ADGRG6: variants seen among roughly 807,000 people sequenced by gnomAD.
ADGRG6 encodes the protein G-protein coupled receptor 126.
Under a neutral mutation model 142.4 loss-of-function variants are expected in ADGRG6, and 84 were observed. That is an observed-to-expected ratio of 0.59 (90% CI 0.49 to 0.71). The LOEUF (loss-of-function observed/expected upper bound fraction) is 0.71. ADGRG6 is among the 30% of genes least tolerant of loss of function. The pLI is 0.00. For missense variants in ADGRG6, 1,367 were observed against 1,466.6 expected (o/e 0.93, Z 1.11); for synonymous variants, 521 against 520.5 (o/e 1.00, Z -0.01).
Position 142,437,454 on chromosome 6 carries a change from C to T in ADGRG6, c.3340C>T (p.His1114Tyr). Residue 1114 changes from histidine (H) to tyrosine (Y), a missense_variant, in exon 23 of 25, where the codon CAC (histidine) becomes TAC (tyrosine). Transcript: ENST00000367609. ...CACAGGCTTATTTATATTCATCTTC[C>T]ACTGTGCTATGAAGGAGAATGTTCA... ...SLQGLFIFIF[H>Y]CAMKENVQKQ... 1 of 1,543,714 alleles carries T rather than the reference C, an allele frequency of 6.5e-7. No homozygotes were observed. The highest frequency in any genetic ancestry group is 8.9e-7 in the Non-Finnish European group (1 of 1,117,756).
In ADGRG6 at chr6:142,302,151, T is replaced by C; in HGVS notation, c.-179T>C. 1 of 632,916 alleles carries C rather than the reference T, an allele frequency of 1.6e-6. No homozygotes were observed. The highest frequency in any genetic ancestry group is 1.9e-5 in the African/African-American group (1 of 53,462). 39.2% of individuals were successfully genotyped at this position (632,916 alleles called of 1,614,324 possible). A position where few individuals can be genotyped will look rare whatever the true frequency, so the allele number is the denominator to read the frequency against. ...GCGCTGAACGCTGCCGCGCCCAGGG[T>C]TCACCTTGCGCCGTCGGGAAAGCCC... On this transcript the variant is annotated 5_prime_UTR_variant, in exon 1 of 25. Transcript: ENST00000367609.
At chr6:142,376,596 A>C (rs1224876657) in intron 4 of ADGRG6, among the ~76,000 whole-genome samples, 1 of 152,134 alleles carries the variant, frequency 6.6e-6, no homozygotes, top group Non-Finnish European at 1.5e-5. Flanking sequence ...ACTTCAATTC[A>C]TTATTGGCTC....
At chr6:142,435,470 A>G (rs181075392) in intron 22 of ADGRG6, among the ~76,000 whole-genome samples, 3 of 151,786 alleles carry the variant, frequency 2.0e-5, no homozygotes, top group East Asian at 3.9e-4. Flanking sequence ...TTTCATTCCT[A>G]TTACCTCTTA....
intron 22 of ADGRG6, 50 bp downstream of exon 22, chr6:142,420,154 T>C (rs1776592469): frequency 6.9e-7 from 1 of 1,450,388 alleles, no homozygotes; most frequent in East Asian, 2.3e-5. Context: ...TTTGTCATAT[T>C]TGCAAGCAGC....
intron 4 of ADGRG6, 44 bp from the exon 5 acceptor site, chr6:142,381,907 T>C (rs368299953): frequency 1.4e-5 from 17 of 1,226,892 alleles, no homozygotes; most frequent in Non-Finnish European, 1.9e-5. Flanking sequence ...ATAATATCAC[T>C]AAATCATAAA....
chr6:142,411,406 C>G lies in ADGRG6; in HGVS notation c.2536C>G (p.Leu846Val). 2.0e-6 allele frequency: 3 copies of G among 1,531,518 alleles called. No homozygotes were observed. The highest frequency in any genetic ancestry group is 2.7e-6 in the Non-Finnish European group (3 of 1,104,982). The allele number at this position is 1,531,518 out of a possible 1,614,324, so 94.9% of individuals were successfully genotyped here. A position where few individuals can be genotyped will look rare whatever the true frequency, so the allele number is the denominator to read the frequency against. The change falls in exon 18 of 25, where the codon CTG (leucine) becomes GTG (valine). Residue 846 changes from leucine to valine, a missense_variant. Coordinates refer to ENST00000367609, the MANE Select transcript of ADGRG6 (RefSeq NM_198569.3). The part of the protein sequence containing the change: ...LCNHFTHFGV[L>V]MDLPRSASQL... ...TAACCACTTCACACACTTTGGAGTT[C>G]TGATGGTAAGGGGGGAATTTCTAAG...
intron 4 of ADGRG6, among the ~76,000 whole-genome samples, chr6:142,371,483 TG>T (rs375028006): frequency 0.13 from 17,789 of 137,184 alleles, 1,235 homozygotes; most frequent in African/African-American, 0.23. Context: ...TGTTTTTTTT[TG>T]TTTTTTTTTT....
chr6:142,345,530 A>C (rs769871309), intron 2 of ADGRG6, among the ~76,000 whole-genome samples: 10 of 152,244 alleles, frequency 6.6e-5, no homozygotes, highest in Non-Finnish European at 5.9e-5. Context: ...TGTCAGTGAA[A>C]TACATGAATT....
intron 18 of ADGRG6, among the ~76,000 whole-genome samples, chr6:142,412,931 G>A (rs750027588): frequency 6.6e-6 from 1 of 151,954 alleles, no homozygotes. Flanking sequence ...GCCTGCCCAC[G>A]ACTTCATATG....
At chr6:142,368,977 A>G (rs1170645865) in intron 3 of ADGRG6, among the ~76,000 whole-genome samples, 3 of 152,190 alleles carry the variant, frequency 2.0e-5, no homozygotes, top group Non-Finnish European at 1.5e-5. Context: ...TCTTTGCATA[A>G]GTGAACCTAT....
At position 142,302,072 on chromosome 6, in the gene ADGRG6, A is replaced by AT. The variant is rs1464281242; in HGVS notation, c.-258_-257insT. ...TCAGCTTCTCGCCCTCACCCTGCCA[A>AT]CTTCCCTGCGAGGAGGGACCTGCCG... On this transcript the variant is annotated 5_prime_UTR_variant, in exon 1 of 25. Transcript: ENST00000367609. 1.9e-6 allele frequency: 1 copy of AT among 536,386 alleles called. No homozygotes were observed. The highest frequency in any genetic ancestry group is 3.3e-6 in the Non-Finnish European group (1 of 305,760). The allele number at this position is 536,386 out of a possible 1,614,324, so 33.2% of individuals were successfully genotyped here.
chr6:142,349,719 C>T (rs982226122), intron 2 of ADGRG6, among the ~76,000 whole-genome samples: 4 of 152,178 alleles, frequency 2.6e-5, no homozygotes, highest in Non-Finnish European at 5.9e-5. Context: ...ATAGAGTAAA[C>T]ACACACAAAA....
intron 22 of ADGRG6, among the ~76,000 whole-genome samples, chr6:142,432,360 C>G (rs1176687622): frequency 6.6e-6 from 1 of 152,046 alleles, no homozygotes; most frequent in Non-Finnish European, 1.5e-5. Context: ...GTAAAATAAC[C>G]TGTTATGAGA....
At chr6:142,380,571 G>C (rs1781724849) in intron 4 of ADGRG6, among the ~76,000 whole-genome samples, 1 of 152,176 alleles carries the variant, frequency 6.6e-6, no homozygotes, top group Admixed American at 6.5e-5. Flanking sequence ...CCAGTGACTT[G>C]AGTGCACAGA....
chr6:142,439,157 T>C (rs1777625210), intron 24 of ADGRG6, among the ~76,000 whole-genome samples: 1 of 151,992 alleles, frequency 6.6e-6, no homozygotes, highest in Admixed American at 6.6e-5. Context: ...CTCAAAAAAA[T>C]AGTAATATTT....
chr6:142,302,097 G>A lies in ADGRG6; in HGVS notation c.-233G>A, dbSNP rs991317629. On this transcript the variant is annotated 5_prime_UTR_variant, in exon 1 of 25. Transcript: ENST00000367609. Reference sequence around the variant, plus strand: ...ACTTCCCTGCGAGGAGGGACCTGCCGCCAGCCTGCTTCCTCGTCCGCAGGC... The same window carrying A: ...ACTTCCCTGCGAGGAGGGACCTGCCACCAGCCTGCTTCCTCGTCCGCAGGC... 2.1e-5 allele frequency: 11 copies of A among 528,652 alleles called. No homozygotes were observed. Among genetic ancestry groups the A allele is most frequent in the African/African-American group, 5.9e-5 (3 of 51,094 alleles). 32.7% of individuals were successfully genotyped at this position (528,652 alleles called of 1,614,324 possible).
chr6:142,371,917 A>G (rs1051779260), intron 4 of ADGRG6, among the ~76,000 whole-genome samples: 7 of 152,254 alleles, frequency 4.6e-5, no homozygotes, highest in Non-Finnish European at 8.8e-5. Flanking sequence ...GCCAGTTTAA[A>G]TATCAAAACT....
chr6:142,373,223 G>A (rs1165079681), intron 4 of ADGRG6, among the ~76,000 whole-genome samples: 1 of 152,160 alleles, frequency 6.6e-6, no homozygotes, highest in Non-Finnish European at 1.5e-5. Context: ...AAATTAGACT[G>A]TCATTCATCA....
chr6:142,333,012 C>A (rs1779136724), intron 2 of ADGRG6, among the ~76,000 whole-genome samples: 1 of 152,186 alleles, frequency 6.6e-6, no homozygotes, highest in Non-Finnish European at 1.5e-5. Flanking sequence ...ATTATTTGAA[C>A]TGTTGCAAAA....
Sources: allele counts gnomAD v4.1 joint callset (sites outside exome capture counted in the v4.1 genomes callset), GRCh38; gene constraint gnomAD v4.1.1; transcripts MANE v1.5; gene names NCBI Gene and HGNC (gene_info 2026-07-23, HGNC 2026-07-21).